The following COMMD1 variants were observed in gnomAD, a reference collection of about 807,000 sequenced individuals.
COMMD1 encodes COMM domain-containing protein 1.
COMMD1 carries 10 observed loss-of-function variants against 17.2 expected under a neutral mutation model. That is an observed-to-expected ratio of 0.58 (90% CI 0.36 to 0.99). The LOEUF (loss-of-function observed/expected upper bound fraction) is 0.99. Ranked by LOEUF, COMMD1 falls within the 50% of genes least tolerant of loss-of-function variation. The pLI is 0.01. For synonymous variants in COMMD1, 97 were observed against 91.6 expected, an observed-to-expected ratio of 1.06 and a Z score of -0.34; for missense variants, 270 against 231.8, an observed-to-expected ratio of 1.17 and a Z score of -1.07.
In COMMD1 at chr2:62,057,813, C is replaced by G. The variant is rs1374997898; in HGVS notation, c.462+56831C>G. On this transcript the variant is annotated intron_variant, in intron 2 of 2. Coordinates refer to ENST00000311832, the MANE Select transcript of COMMD1 (RefSeq NM_152516.4). ...TCTCAAACTCCTGGGCTCAGGCGAT[C>G]CTCCCACCTTGGTCTCCCAAAGTGC... 2.6e-5 allele frequency among the ~76,000 whole-genome samples: 4 copies of G among 152,086 alleles called. No individual in the cohort carries two copies. The East Asian group carries it at 7.7e-4, about 29-fold the overall frequency.
intron 1 of COMMD1, among the ~76,000 whole-genome samples, chr2:61,958,327 C>T (rs954537328): frequency 4.7e-5 from 7 of 150,106 alleles, no homozygotes; most frequent in South Asian, 2.1e-4. Context: ...AGTGCAGGGG[C>T]GCGATCTCAG....
intron 2 of COMMD1, among the ~76,000 whole-genome samples, chr2:62,008,314 G>A (rs1454794999): frequency 2.0e-5 from 3 of 152,212 alleles, no homozygotes; most frequent in East Asian, 1.9e-4. Flanking sequence ...GCAAAGTTGC[G>A]TGCACATGCA....
intron 2 of COMMD1, among the ~76,000 whole-genome samples, chr2:62,076,250 T>C (rs924165704): frequency 6.6e-6 from 1 of 152,230 alleles, no homozygotes; most frequent in African/African-American, 2.4e-5. Flanking sequence ...AGAGCTGTGA[T>C]GTACATAATG....
At chr2:62,024,821 A>G (rs1669709059) in intron 2 of COMMD1, among the ~76,000 whole-genome samples, 1 of 152,198 alleles carries the variant, frequency 6.6e-6, no homozygotes, top group Non-Finnish European at 1.5e-5. Context: ...AAAATTCAAA[A>G]TAATTGGTAC....
At chr2:61,950,831 A>C (rs1007337284) in intron 1 of COMMD1, among the ~76,000 whole-genome samples, 1 of 152,166 alleles carries the variant, frequency 6.6e-6, no homozygotes, top group African/African-American at 2.4e-5. Context: ...AGGGTGCAAG[A>C]CTTCATCACA....
intron 1 of COMMD1, among the ~76,000 whole-genome samples, chr2:61,914,483 G>A (rs1387553918): frequency 6.6e-6 from 1 of 151,756 alleles, no homozygotes; most frequent in African/African-American, 2.4e-5. Flanking sequence ...TGAGGCAGGA[G>A]AATTGCTTGA....
At chr2:61,890,709 C>G (rs1669408227) in intron 1 of COMMD1, among the ~76,000 whole-genome samples, 4 of 151,598 alleles carry the variant, frequency 2.6e-5, no homozygotes, top group African/African-American at 9.7e-5. Context: ...GGGGTGTAAT[C>G]CCAGCTACTC....
chr2:62,001,548 A>G (rs891146277), intron 2 of COMMD1, among the ~76,000 whole-genome samples: 1 of 152,118 alleles, frequency 6.6e-6, no homozygotes, highest in Non-Finnish European at 1.5e-5. Flanking sequence ...TAATGTCTAT[A>G]TGGTTTTTCT....
At chr2:62,053,342 G>GT (rs908643107) in intron 2 of COMMD1, among the ~76,000 whole-genome samples, 2 of 151,700 alleles carry the variant, frequency 1.3e-5, no homozygotes, top group Non-Finnish European at 2.9e-5. Context: ...TATTTGTGGG[G>GT]TTTTTTTAGT....
chr2:62,035,172 T>G (rs1670005360), intron 2 of COMMD1, among the ~76,000 whole-genome samples: 1 of 152,208 alleles, frequency 6.6e-6, no homozygotes, highest in African/African-American at 2.4e-5. Flanking sequence ...ATGATAAGTT[T>G]AACTGAATAG....
chr2:62,071,656 AT>A (rs1344344812), intron 2 of COMMD1, among the ~76,000 whole-genome samples: 1 of 152,172 alleles, frequency 6.6e-6, no homozygotes, highest in East Asian at 1.9e-4. Context: ...AGAAAAAATA[AT>A]TATAAAAATA....
chr2:61,990,901 T>TACAC (rs1332695175), intron 1 of COMMD1, among the ~76,000 whole-genome samples: 186 of 42,726 alleles, frequency 4.4e-3, no homozygotes, highest in East Asian at 0.01. Flanking sequence ...AATATATATA[T>TACAC]ATACACACAC....
At chr2:61,991,434 T>C (rs1672250847) in intron 1 of COMMD1, among the ~76,000 whole-genome samples, 1 of 152,156 alleles carries the variant, frequency 6.6e-6, no homozygotes, top group Non-Finnish European at 1.5e-5. Context: ...TACTTCAAGG[T>C]GTTAGATGAT....
chr2:62,054,897 A>G (rs1670647011), intron 2 of COMMD1, among the ~76,000 whole-genome samples: 1 of 152,228 alleles, frequency 6.6e-6, no homozygotes, highest in African/African-American at 2.4e-5. Context: ...TAGGAGCACA[A>G]ACCCTATTGT....
At chr2:61,960,111 A>ATGTGTG (rs1332530386) in intron 1 of COMMD1, among the ~76,000 whole-genome samples, 1 of 140,660 alleles carries the variant, frequency 7.1e-6, no homozygotes, top group African/African-American at 2.9e-5. Context: ...GATTTGGAAT[A>ATGTGTG]TATGTGTGTG....
chr2:61,906,755 A>G lies in COMMD1; in HGVS notation c.180+897A>G, dbSNP rs892387303. On this transcript the variant is annotated intron_variant, in intron 1 of 2. Coordinates refer to ENST00000311832, the MANE Select transcript of COMMD1 (RefSeq NM_152516.4). ...GTTTCATTTGTTTCTTGAAAAAAAA[A>G]CCTTATATAGTGGACACCCATGGTA... Among the ~76,000 whole-genome samples the G allele has an allele frequency of 3.4e-4, 50 of 148,318 alleles. 1 individual carries two copies. Among genetic ancestry groups the G allele is most frequent in the Admixed American group, 3.3e-3 (50 of 15,108 alleles).
At chr2:62,010,364 G>A (rs1269877103) in intron 2 of COMMD1, among the ~76,000 whole-genome samples, 2 of 151,624 alleles carry the variant, frequency 1.3e-5, no homozygotes, top group African/African-American at 4.8e-5. Flanking sequence ...AAATGTTGGT[G>A]TACCCTTGAA....
chr2:61,940,093 G>A (rs187932371), intron 1 of COMMD1, among the ~76,000 whole-genome samples: 266 of 152,248 alleles, frequency 1.7e-3, no homozygotes, highest in African/African-American at 5.4e-3. Context: ...TAGTCCAGCA[G>A]TTGTTATTGG....
At chr2:62,045,730 ATTTTTTTTTTTTT>A (rs71410917) in intron 2 of COMMD1, among the ~76,000 whole-genome samples, 2 of 84,896 alleles carry the variant, frequency 2.4e-5, no homozygotes, top group South Asian at 7.4e-4. Context: ...TTTCAAGTTA[ATTTTTTTTTTTTT>A]TTTTTTTTTT....
Sources: gnomAD v4.1 joint callset for allele counts (sites outside exome capture counted in the v4.1 genomes callset) on GRCh38, gnomAD v4.1.1 for gene constraint, MANE v1.5 for transcripts, NCBI Gene and HGNC (gene_info 2026-07-23, HGNC 2026-07-21) for gene names.